Variants in XYLT1 observed in about 807,000 individuals in gnomAD.
XYLT1 encodes beta-D-xylosyltransferase 1.
Under a neutral mutation model 91.3 loss-of-function variants are expected in XYLT1, and 36 were observed. That is an observed-to-expected ratio of 0.39 (90% CI 0.30 to 0.52). XYLT1 has a LOEUF of 0.52. Among genes scored for constraint, XYLT1 ranks in the 20% least tolerant of loss-of-function variants. The pLI is 0.68. For synonymous variants in XYLT1, 588 were observed against 532.0 expected, an observed-to-expected ratio of 1.11 and a Z score of -1.45; for missense variants, 1,242 against 1,284.5, an observed-to-expected ratio of 0.97 and a Z score of 0.51.
At chr16:17,132,437 A>C (rs1391204576) in intron 9 of XYLT1, among the ~76,000 whole-genome samples, 1 of 152,090 alleles carries the variant, frequency 6.6e-6, no homozygotes, top group East Asian at 1.9e-4. Flanking sequence ...AGAACAAGGA[A>C]TTGTTACCAT....
intron 1 of XYLT1, among the ~76,000 whole-genome samples, chr16:17,381,143 A>G (rs1202716757): frequency 6.6e-6 from 1 of 152,168 alleles, no homozygotes; most frequent in Non-Finnish European, 1.5e-5. Context: ...GAGTGAGAGA[A>G]AGCTCATCAG....
intron 1 of XYLT1, among the ~76,000 whole-genome samples, chr16:17,460,661 T>C (rs1302257512): frequency 3.3e-5 from 5 of 152,194 alleles, no homozygotes; most frequent in Non-Finnish European, 7.3e-5. Context: ...CCAGTGGGTC[T>C]GCAGTATCAC....
chr16:17,379,985 A>G (rs1250627822), intron 1 of XYLT1, among the ~76,000 whole-genome samples: 2 of 152,112 alleles, frequency 1.3e-5, no homozygotes, highest in Non-Finnish European at 2.9e-5. Context: ...GTCTGGCAAC[A>G]ATGCTAAGAG....
intron 1 of XYLT1, among the ~76,000 whole-genome samples, chr16:17,370,461 T>C (rs1239705907): frequency 3.9e-5 from 6 of 152,180 alleles, no homozygotes; most frequent in Admixed American, 2.0e-4. Flanking sequence ...AGGGACTTCA[T>C]TGAGACATCT....
intron 1 of XYLT1, among the ~76,000 whole-genome samples, chr16:17,463,131 G>GA (rs1451481476): frequency 6.6e-6 from 1 of 151,960 alleles, no homozygotes. Flanking sequence ...GACGACTAGA[G>GA]AAAAAAACAT....
intron 1 of XYLT1, among the ~76,000 whole-genome samples, chr16:17,361,726 A>G (rs1216643593): frequency 1.3e-5 from 2 of 152,238 alleles, no homozygotes; most frequent in Non-Finnish European, 2.9e-5. Context: ...TTATTTAGAT[A>G]CCAACACAAC....
At chr16:17,151,116 A>G (rs141334723) in intron 6 of XYLT1, among the ~76,000 whole-genome samples, 46 of 152,304 alleles carry the variant, frequency 3.0e-4, no homozygotes, top group African/African-American at 1.1e-3. Flanking sequence ...GAGTCAGTGC[A>G]GCATGGTGGT....
chr16:17,387,404 C>A (rs377139985), intron 1 of XYLT1, among the ~76,000 whole-genome samples: 1 of 152,176 alleles, frequency 6.6e-6, no homozygotes, highest in Non-Finnish European at 1.5e-5. Context: ...CGCCACCCCC[C>A]ACCTCCCTCA....
intron 2 of XYLT1, among the ~76,000 whole-genome samples, chr16:17,332,759 A>G (rs763718868): frequency 6.6e-5 from 10 of 152,144 alleles, no homozygotes; most frequent in Non-Finnish European, 1.3e-4. Context: ...TGGCCTTCAG[A>G]TAACTAAACC....
At chr16:17,341,610 A>G (rs1289823339) in intron 2 of XYLT1, among the ~76,000 whole-genome samples, 1 of 152,246 alleles carries the variant, frequency 6.6e-6, no homozygotes, top group Non-Finnish European at 1.5e-5. Flanking sequence ...AAACTTCAAT[A>G]ACTTGTGCAC....
chr16:17,164,244 A>C (rs1434598360), intron 5 of XYLT1, among the ~76,000 whole-genome samples: 1 of 151,592 alleles, frequency 6.6e-6, no homozygotes, highest in African/African-American at 2.4e-5. Flanking sequence ...TTTAAATTCT[A>C]CTTTAGCTTT....
intron 3 of XYLT1, among the ~76,000 whole-genome samples, chr16:17,213,368 C>T (rs1415078942): frequency 6.6e-6 from 1 of 152,178 alleles, no homozygotes; most frequent in African/African-American, 2.4e-5. Context: ...ATTATCCACT[C>T]AGGTATTTCT....
At chr16:17,263,445 G>A (rs1459557682) in intron 2 of XYLT1, among the ~76,000 whole-genome samples, 1 of 152,036 alleles carries the variant, frequency 6.6e-6, no homozygotes, top group Non-Finnish European at 1.5e-5. Context: ...ATTAGCTTGT[G>A]GTGGCCCTGT....
In XYLT1 at chr16:17,102,896, A is replaced by C. The variant is rs1966725203; in HGVS notation, c.*5799T>G. 1.3e-5 allele frequency: 2 copies of C among 152,624 alleles called. No individual in the cohort carries two copies. Among genetic ancestry groups the C allele is most frequent in the Non-Finnish European group, 2.9e-5 (2 of 68,034 alleles). 9.5% of individuals were successfully genotyped at this position (152,624 alleles called of 1,614,324 possible). A position where few individuals can be genotyped will look rare whatever the true frequency, so the allele number is the denominator to read the frequency against. On this transcript the variant is annotated 3_prime_UTR_variant, in exon 12 of 12. Coordinates refer to ENST00000261381, the MANE Select transcript of XYLT1 (RefSeq NM_022166.4). The stretch of plus-strand genomic sequence containing the variant: ...GAAAACAATGAAGGGGACGGTAATA[A>C]CTTAGAGTGAGGCCTCTAAAACAAA...
chr16:17,382,683 C>T lies in XYLT1; in HGVS notation c.364-24633G>A, dbSNP rs767243054. Reference sequence around the variant, plus strand: ...CTGCCTCTGAATGCCCCCTTATCTACGTTTGAGTCAACCAGGATACTGAGG... The same window carrying T: ...CTGCCTCTGAATGCCCCCTTATCTATGTTTGAGTCAACCAGGATACTGAGG... On this transcript the variant is annotated intron_variant, in intron 1 of 11. Transcript: ENST00000261381. 7.2e-5 allele frequency among the ~76,000 whole-genome samples: 11 copies of T among 151,826 alleles called. 1 individual carries two copies. The highest frequency in any genetic ancestry group is 3.3e-4 in the Admixed American group (5 of 15,152).
intron 2 of XYLT1, among the ~76,000 whole-genome samples, chr16:17,263,709 C>G (rs986691714): frequency 6.6e-6 from 1 of 151,558 alleles, no homozygotes; most frequent in Non-Finnish European, 1.5e-5. Flanking sequence ...TCATTTTTTT[C>G]TTTTCTTTTC....
chr16:17,295,007 G>A (rs939598519), intron 2 of XYLT1, among the ~76,000 whole-genome samples: 13 of 152,218 alleles, frequency 8.5e-5, no homozygotes, highest in African/African-American at 2.7e-4. Flanking sequence ...ATAGTGCACA[G>A]AATAGGGTAG....
intron 2 of XYLT1, among the ~76,000 whole-genome samples, chr16:17,283,862 A>G (rs903943408): frequency 1.3e-5 from 2 of 152,194 alleles, no homozygotes; most frequent in African/African-American, 4.8e-5. Flanking sequence ...TTTCCATTTG[A>G]CAACCATGAA....
At chr16:17,254,520 G>A (rs1179033859) in intron 3 of XYLT1, among the ~76,000 whole-genome samples, 5 of 151,982 alleles carry the variant, frequency 3.3e-5, no homozygotes, top group Non-Finnish European at 5.9e-5. Flanking sequence ...TCAGCCTCCC[G>A]AGTAGCTGGG....
Sources: gnomAD v4.1 joint callset for allele counts (sites outside exome capture counted in the v4.1 genomes callset) on GRCh38, gnomAD v4.1.1 for gene constraint, MANE v1.5 for transcripts, NCBI Gene and HGNC (gene_info 2026-07-23, HGNC 2026-07-21) for gene names.